SULF2: variants seen among roughly 807,000 people sequenced by gnomAD.
The protein encoded by SULF2 is extracellular sulfatase Sulf-2.
A neutral mutation model predicts 107.7 loss-of-function variants in SULF2; 52 were observed. That is an observed-to-expected ratio of 0.48 (90% CI 0.39 to 0.61). The LOEUF is 0.61. SULF2 is among the 20% of genes least tolerant of loss of function. The probability of loss-of-function intolerance (pLI) is 0.00; values close to 1 mark genes in which losing one functional copy is unlikely to be tolerated. For synonymous variants in SULF2, 460 were observed against 464.3 expected (o/e 0.99, Z 0.12); for missense variants, 993 against 1,177.3 (o/e 0.84, Z 2.29).
At position 47,684,472 on chromosome 20, in the gene SULF2, G is replaced by A; in HGVS notation, c.847C>T (p.Arg283Cys). ...MEFTNMLQRK[R>C]LQTLMSVDDS... ...TCCACCGACATGAGGGTCTGCAAGC[G>A]CTTCCGCTGGAGCATGTTGGTGAAT... Residue 283 changes from arginine (R) to cysteine (C), a missense_variant, in exon 6 of 21, where the codon CGC becomes TGC. This residue lies in a region of SULF2 where 388 missense variants were observed against 449.2 expected (regional missense o/e 0.86). Coordinates refer to ENST00000688720, the MANE Select transcript of SULF2 (RefSeq NM_001387048.1). The A allele has an allele frequency of 6.2e-7, 1 of 1,613,776 alleles. No individual in the cohort carries two copies. The highest frequency in any genetic ancestry group is 8.5e-7 in the Non-Finnish European group (1 of 1,179,854).
chr20:47,702,240 C>T (rs549660550), intron 4 of SULF2, among the ~76,000 whole-genome samples: 3 of 152,138 alleles, frequency 2.0e-5, no homozygotes, highest in Admixed American at 6.5e-5. Context: ...GTATTTTTTT[C>T]GTACAGACAG....
chr20:47,707,722 C>T (rs1420057115), intron 3 of SULF2, among the ~76,000 whole-genome samples: 1 of 152,140 alleles, frequency 6.6e-6, no homozygotes, highest in Non-Finnish European at 1.5e-5. Context: ...CAAAGCAGTA[C>T]CCTTAAGGCA....
At chr20:47,756,234 C>G (rs905035420) in intron 2 of SULF2, among the ~76,000 whole-genome samples, 1 of 152,176 alleles carries the variant, frequency 6.6e-6, no homozygotes, top group East Asian at 1.9e-4. Flanking sequence ...CCACAGTCTG[C>G]AGACTCCCCA....
intron 4 of SULF2, among the ~76,000 whole-genome samples, chr20:47,695,316 T>G (rs1052159946): frequency 3.9e-5 from 6 of 152,234 alleles, no homozygotes; most frequent in Non-Finnish European, 4.4e-5. Context: ...GTATGCTTTT[T>G]AACAAAGTTT....
intron 1 of SULF2, among the ~76,000 whole-genome samples, chr20:47,762,388 G>A (rs748497581): frequency 1.3e-5 from 2 of 152,188 alleles, no homozygotes; most frequent in South Asian, 4.1e-4. Flanking sequence ...GCACACTCCA[G>A]TCTCTGCTCT....
chr20:47,771,393 ATGTACGCCAGAAACAT>A (rs1568928125), intron 1 of SULF2, among the ~76,000 whole-genome samples: 3 of 152,050 alleles, frequency 2.0e-5, no homozygotes, highest in South Asian at 2.1e-4. Context: ...GCTCAGTTCT[ATGTACGCCAGAAACAT>A]TGATTTCTTC....
chr20:47,738,126 T>C lies in SULF2; in HGVS notation c.176-1184A>G, dbSNP rs369468298. On this transcript the variant is annotated intron_variant, in intron 2 of 20. Coordinates refer to ENST00000688720, the MANE Select transcript of SULF2 (RefSeq NM_001387048.1). ...GGCAAGAAGGAAGGAAGGAAGCAAA[T>C]GAACGTGTGTGGGAGCCCTACTGCG... Among the ~76,000 whole-genome samples, 321 of 152,228 alleles carry C rather than the reference T, an allele frequency of 2.1e-3. 1 individual carries two copies. The highest frequency in any genetic ancestry group is 7.3e-3 in the African/African-American group (304 of 41,530).
At chr20:47,775,531 C>G (rs2146983825) in intron 1 of SULF2, among the ~76,000 whole-genome samples, 1 of 152,316 alleles carries the variant, frequency 6.6e-6, no homozygotes, top group Admixed American at 6.5e-5. Flanking sequence ...ACCCAAGAAT[C>G]CTCAGTGACA....
At chr20:47,683,367 G>T (rs564280886) in intron 6 of SULF2, among the ~76,000 whole-genome samples, 198 bp from the exon 7 acceptor site, 1 of 151,392 alleles carries the variant, frequency 6.6e-6, no homozygotes, top group African/African-American at 2.4e-5. Context: ...TCCCCTCCAC[G>T]GTTCTTCATG....
chr20:47,734,992 C>T (rs1261678964), intron 3 of SULF2, among the ~76,000 whole-genome samples: 1 of 152,194 alleles, frequency 6.6e-6, no homozygotes, highest in East Asian at 1.9e-4. Context: ...TAGCCTTTAG[C>T]TCCCACCCTG....
intron 17 of SULF2, 121 bp downstream of exon 17, chr20:47,662,949 C>T (rs560336628): frequency 7.4e-5 from 90 of 1,221,274 alleles, no homozygotes; most frequent in East Asian, 6.1e-4. Flanking sequence ...TTACTCCCAC[C>T]GGCTCAGGGA....
chr20:47,703,276 G>A (rs2146602804), intron 3 of SULF2, among the ~76,000 whole-genome samples: 2 of 152,316 alleles, frequency 1.3e-5, no homozygotes, highest in East Asian at 3.9e-4. Context: ...TGCAGTATCT[G>A]CAAAAACTGC....
intron 1 of SULF2, among the ~76,000 whole-genome samples, chr20:47,782,285 G>C (rs2122743223): frequency 6.6e-6 from 1 of 152,298 alleles, no homozygotes; most frequent in Non-Finnish European, 1.5e-5. Flanking sequence ...TCCAAGTGAG[G>C]CCTCGTTCCC....
chr20:47,754,063 T>TGACAGC (rs1405834622), intron 2 of SULF2, among the ~76,000 whole-genome samples: 1 of 152,210 alleles, frequency 6.6e-6, no homozygotes, highest in Non-Finnish European at 1.5e-5. Context: ...TAATTCCAAA[T>TGACAGC]GACAGCTTAG....
chr20:47,705,654 A>G (rs1238907884), intron 3 of SULF2, among the ~76,000 whole-genome samples: 1 of 152,118 alleles, frequency 6.6e-6, no homozygotes, highest in African/African-American at 2.4e-5. Flanking sequence ...TGGTTTCATC[A>G]CAACTTGGTG....
intron 1 of SULF2, among the ~76,000 whole-genome samples, chr20:47,770,979 C>A (rs925914610): frequency 6.6e-6 from 1 of 152,152 alleles, no homozygotes; most frequent in Admixed American, 6.5e-5. Flanking sequence ...GGGACACAGA[C>A]CCACATCTCA....
rs575213729 is a variant in SULF2 at position 47,676,655 on chromosome 20, G to A, written c.1251-32C>T. On this transcript the variant is annotated intron_variant, in intron 9 of 20. Coordinates refer to ENST00000688720, the MANE Select transcript of SULF2 (RefSeq NM_001387048.1). The stretch of plus-strand genomic sequence containing the variant: ...GGCAGAGAGCAGGAGCCGCGGGGCC[G>A]GCCTCTCAGCTCTGGAGGAGCCCCG... The A allele has an allele frequency of 7.4e-5, 114 of 1,546,958 alleles. 1 individual carries two copies. The South Asian group carries it at 1.2e-3, about 16-fold the overall frequency.
chr20:47,780,635 C>T (rs1479741403), intron 1 of SULF2, among the ~76,000 whole-genome samples: 2 of 152,054 alleles, frequency 1.3e-5, no homozygotes. Flanking sequence ...CTCACTGCAA[C>T]CTCCGACTCC....
rs78016995 is a variant in SULF2, at chr20:47,708,497, T to C, written c.416-5827A>G. ...ATTGCATGCCAGATTTTGCCTTTTG[T>C]GCATTTTCCTGGAAACAAGTCCACA... is the stretch of plus-strand genomic sequence containing the variant. On this transcript the variant is annotated intron_variant, in intron 3 of 20. Coordinates refer to ENST00000688720, the MANE Select transcript of SULF2 (RefSeq NM_001387048.1). Among the ~76,000 whole-genome samples the C allele has an allele frequency of 1.7e-3, 263 of 152,298 alleles. 8 individuals are homozygous for C. In the East Asian group the frequency reaches 0.045, roughly 26 times the overall value.
Sources: allele counts gnomAD v4.1 joint callset (sites outside exome capture counted in the v4.1 genomes callset), GRCh38; gene constraint gnomAD v4.1.1; regional missense constraint gnomAD v4.1.1; transcripts MANE v1.5; gene names NCBI Gene and HGNC (gene_info 2026-07-23, HGNC 2026-07-21).